The following TAF4 variants were observed in gnomAD, a reference collection of about 807,000 sequenced individuals.
TAF4 encodes the protein transcription initiation factor TFIID subunit 4.
A neutral mutation model predicts 90.3 loss-of-function variants in TAF4; 9 were observed. The ratio of observed to expected loss-of-function variants is 0.10; its 90% CI spans 0.06 to 0.17. The LOEUF (loss-of-function observed/expected upper bound fraction) is 0.17, where lower values mean the gene tolerates loss of function less well. Ranked by LOEUF, TAF4 falls within the 10% of genes least tolerant of loss-of-function variation. TAF4 has a pLI of 1.00. For missense variants in TAF4, 1,351 were observed against 1,370.7 expected, an observed-to-expected ratio of 0.99 and a Z score of 0.23; for synonymous variants, 818 against 638.9, an observed-to-expected ratio of 1.28 and a Z score of -4.23.
At chr20:61,998,292 A>T in intron 12 of TAF4, 100 bp from the exon 13 acceptor site, 1 of 1,168,518 alleles carries the variant, frequency 8.6e-7, no homozygotes, top group Non-Finnish European at 1.2e-6. Context: ...ACATCTAGGT[A>T]ATGTTAAAGA....
At chr20:62,015,912 T>G (rs532913031) in intron 1 of TAF4, among the ~76,000 whole-genome samples, 1 of 152,260 alleles carries the variant, frequency 6.6e-6, no homozygotes, top group African/African-American at 2.4e-5. Context: ...AAAGCCACAT[T>G]TATGCCCATT....
At chr20:62,030,719 C>CA (rs1257539845) in intron 1 of TAF4, among the ~76,000 whole-genome samples, 24 of 152,218 alleles carry the variant, frequency 1.6e-4, no homozygotes, top group African/African-American at 5.5e-4. Context: ...AAAAACTTTA[C>CA]TAAGTTGCCA....
At position 62,063,042 on chromosome 20, in the gene TAF4, G is replaced by A. The variant is rs546163329; in HGVS notation, c.1360+1409C>T. Among the ~76,000 whole-genome samples the A allele has an allele frequency of 6.5e-4, 99 of 152,272 alleles. 1 individual carries two copies. The highest frequency in any genetic ancestry group is 5.4e-3 in the South Asian group (26 of 4,826). ...CTAAAAGGTCAACATACACATAACA[G>A]CAAAACCAAGCCTCTGGCAAAACAC... is the stretch of plus-strand genomic sequence containing the variant. On this transcript the variant is annotated intron_variant, in intron 1 of 14. Coordinates refer to ENST00000252996, the MANE Select transcript of TAF4 (RefSeq NM_003185.4).
intron 1 of TAF4, among the ~76,000 whole-genome samples, chr20:62,059,690 G>A (rs1298723540): frequency 6.6e-6 from 1 of 152,226 alleles, no homozygotes; most frequent in Non-Finnish European, 1.5e-5. Context: ...GGGCACCACA[G>A]GTGAACACCC....
intron 14 of TAF4, among the ~76,000 whole-genome samples, chr20:61,986,155 C>A (rs1420204941): frequency 7.4e-5 from 7 of 95,040 alleles, no homozygotes; most frequent in East Asian, 3.6e-4. Flanking sequence ...CACCATCCCC[C>A]ATCAAAGGAA....
intron 14 of TAF4, among the ~76,000 whole-genome samples, chr20:61,985,546 T>C (rs1389350154): frequency 6.6e-6 from 1 of 152,096 alleles, no homozygotes; most frequent in Non-Finnish European, 1.5e-5. Context: ...ACAGAAATGC[T>C]ACACTCCAGG....
chr20:62,030,351 A>T (rs769798906), intron 1 of TAF4, among the ~76,000 whole-genome samples: 1 of 152,252 alleles, frequency 6.6e-6, no homozygotes, highest in Non-Finnish European at 1.5e-5. Flanking sequence ...AGGACACCAC[A>T]GCCTTTTCAT....
chr20:62,003,663 G>A, intron 8 of TAF4, 68 bp downstream of exon 8: 1 of 1,478,732 alleles, frequency 6.8e-7, no homozygotes, highest in Non-Finnish European at 8.9e-7. Context: ...TTAAATAAAA[G>A]CCCAATGGCA....
intron 1 of TAF4, among the ~76,000 whole-genome samples, chr20:62,021,897 T>C (rs1303082939): frequency 6.6e-6 from 1 of 151,950 alleles, no homozygotes; most frequent in African/African-American, 2.4e-5. Context: ...AGGCACTGTG[T>C]GCAGTGGCCG....
In TAF4 at chr20:62,065,763, C is replaced by A; in HGVS notation, c.48G>T (p.Glu16Asp). Residue 16 changes from glutamate (E) to aspartate (D), a missense_variant, in exon 1 of 15, where the codon GAG (glutamate) becomes GAT (aspartate). Physicochemically the swap from Glu to Asp is conservative, Grantham distance 45 (BLOSUM62 2). Around this residue, in one of 9 missense-constraint regions of TAF4, gnomAD observed 782 missense variants for 536.6 expected, o/e 1.46. Transcript: ENST00000252996. ...GGTCGCTCACCACTTTCTCGTCCAC[C>A]TCGCTGTTGAAGAAGACCTCGTCCA... Reference protein sequence around the residue: ...DLLDEVFFNSEVDEKVVSDLV... With the variant: ...DLLDEVFFNSDVDEKVVSDLV... The A allele has an allele frequency of 7.4e-7, 1 of 1,349,594 alleles. No individual in the cohort carries two copies. The highest frequency in any genetic ancestry group is 9.7e-7 in the Non-Finnish European group (1 of 1,033,156). The allele number at this position is 1,349,594 out of a possible 1,614,324, so 83.6% of individuals were successfully genotyped here.
intron 1 of TAF4, among the ~76,000 whole-genome samples, chr20:62,020,818 G>C (rs1314589068): frequency 6.6e-6 from 1 of 152,238 alleles, no homozygotes; most frequent in Non-Finnish European, 1.5e-5. Context: ...TATAGAAAAA[G>C]AGAGTGGAAA....
At chr20:62,062,735 G>A (rs530264023) in intron 1 of TAF4, among the ~76,000 whole-genome samples, 4 of 152,278 alleles carry the variant, frequency 2.6e-5, no homozygotes, top group East Asian at 1.9e-4. Context: ...ACACAGCAGA[G>A]ATGCCCTCTT....
intron 1 of TAF4, among the ~76,000 whole-genome samples, chr20:62,050,862 C>T (rs1271501590): frequency 6.6e-6 from 1 of 152,010 alleles, no homozygotes; most frequent in Non-Finnish European, 1.5e-5. Flanking sequence ...GCATGCCCAG[C>T]GCTGCTTCCT....
chr20:62,007,709 T>C, intron 5 of TAF4, 73 bp from the exon 6 acceptor site: 1 of 1,416,712 alleles, frequency 7.1e-7, no homozygotes, highest in Non-Finnish European at 9.7e-7. Context: ...CGCATCACTC[T>C]GGTCTCGTAT....
At chr20:61,999,920 G>A (rs1433914888) in intron 11 of TAF4, among the ~76,000 whole-genome samples, 1 of 152,236 alleles carries the variant, frequency 6.6e-6, no homozygotes, top group Admixed American at 6.5e-5. Flanking sequence ...CTGAACTCCA[G>A]CCTGGGCAAC....
intron 1 of TAF4, among the ~76,000 whole-genome samples, chr20:62,038,307 G>A (rs1434410889): frequency 6.6e-6 from 1 of 151,482 alleles, no homozygotes; most frequent in Non-Finnish European, 1.5e-5. Context: ...GACTACAGGC[G>A]TGTGCCACCA....
chr20:61,989,596 C>T (rs1600829314), intron 14 of TAF4, among the ~76,000 whole-genome samples: 1 of 134 alleles, frequency 7.5e-3, no homozygotes, highest in Admixed American at 0.071. Flanking sequence ...TGAGGGATCC[C>T]GGCACCCACA....
At chr20:62,061,492 A>G (rs1264756410) in intron 1 of TAF4, among the ~76,000 whole-genome samples, 1 of 152,258 alleles carries the variant, frequency 6.6e-6, no homozygotes, top group Non-Finnish European at 1.5e-5. Flanking sequence ...GCATGAAAGC[A>G]CAATAGACCA....
intron 1 of TAF4, among the ~76,000 whole-genome samples, chr20:62,015,794 G>T (rs1186221114): frequency 6.6e-6 from 1 of 152,168 alleles, no homozygotes; most frequent in South Asian, 2.1e-4. Flanking sequence ...GCGCTATGAC[G>T]CTGGGGCACT....
Sources: allele counts gnomAD v4.1 joint callset (sites outside exome capture counted in the v4.1 genomes callset), GRCh38; gene constraint gnomAD v4.1.1; regional missense constraint gnomAD v4.1.1; transcripts MANE v1.5; gene names NCBI Gene and HGNC (gene_info 2026-07-23, HGNC 2026-07-21).